Variants in CSMD1 observed in about 807,000 individuals in gnomAD.
The protein encoded by CSMD1 is CUB and sushi domain-containing protein 1.
Under a neutral mutation model 417.5 loss-of-function variants are expected in CSMD1, and 213 were observed. That is an observed-to-expected ratio of 0.51 (90% CI 0.46 to 0.57). The LOEUF is 0.57. Ranked by LOEUF, CSMD1 falls within the 20% of genes least tolerant of loss-of-function variation. CSMD1 has a pLI of 0.00. For synonymous variants in CSMD1, 2,862 were observed against 1,736.8 expected (o/e 1.65, Z -16.11); for missense variants, 6,923 against 4,529.7 (o/e 1.53, Z -15.17).
chr8:3,298,085 C>T (rs898790331), intron 25 of CSMD1, among the ~76,000 whole-genome samples: 5 of 152,146 alleles, frequency 3.3e-5, no homozygotes, highest in African/African-American at 4.8e-5. Context: ...CAATCAATCC[C>T]ATTGTTGGTT....
At chr8:4,298,497 T>C (rs1027102364) in intron 3 of CSMD1, among the ~76,000 whole-genome samples, 1 of 152,122 alleles carries the variant, frequency 6.6e-6, no homozygotes, top group African/African-American at 2.4e-5. Context: ...GAGTAATGGA[T>C]ACCTTAAAAG....
chr8:4,425,988 A>G (rs1369709955), intron 2 of CSMD1, among the ~76,000 whole-genome samples: 4 of 152,092 alleles, frequency 2.6e-5, no homozygotes, highest in African/African-American at 7.2e-5. Context: ...CCAAAATTAA[A>G]GAGGTATACA....
intron 49 of CSMD1, among the ~76,000 whole-genome samples, chr8:3,086,107 C>T (rs538503818): frequency 2.0e-5 from 3 of 152,110 alleles, no homozygotes; most frequent in African/African-American, 7.2e-5. Context: ...ACAGATTCTA[C>T]GACTCTGTTC....
intron 3 of CSMD1, among the ~76,000 whole-genome samples, chr8:4,202,781 T>A (rs1003426017): frequency 6.6e-6 from 1 of 152,074 alleles, no homozygotes; most frequent in Non-Finnish European, 1.5e-5. Flanking sequence ...GAACAGAGAA[T>A]AAAACTGAGG....
chr8:3,086,341 C>T (rs1402518161), intron 49 of CSMD1, among the ~76,000 whole-genome samples: 1 of 152,034 alleles, frequency 6.6e-6, no homozygotes, highest in East Asian at 1.9e-4. Flanking sequence ...GCTGTCTGAT[C>T]AACTTCTTAC....
At chr8:3,730,568 G>C (rs530811307) in intron 6 of CSMD1, among the ~76,000 whole-genome samples, 80 of 152,138 alleles carry the variant, frequency 5.3e-4, no homozygotes, top group Non-Finnish European at 3.1e-4. Flanking sequence ...CCAATGAACA[G>C]CTTTGCACAC....
intron 2 of CSMD1, among the ~76,000 whole-genome samples, chr8:4,435,806 G>A (rs1443708333): frequency 6.6e-6 from 1 of 152,198 alleles, no homozygotes; most frequent in East Asian, 1.9e-4. Flanking sequence ...GACAGACCGT[G>A]TCCCGAACAC....
chr8:4,287,834 T>C (rs115395693), intron 3 of CSMD1, among the ~76,000 whole-genome samples: 3,344 of 152,180 alleles, frequency 0.022, 138 homozygotes, highest in African/African-American at 0.076. Context: ...ATGCATTTAG[T>C]GGGAGAAGTG....
At chr8:4,040,253 A>G (rs536510547) in intron 3 of CSMD1, among the ~76,000 whole-genome samples, 7 of 152,248 alleles carry the variant, frequency 4.6e-5, no homozygotes, top group African/African-American at 1.2e-4. Flanking sequence ...CTGCCTTATC[A>G]TAATAACCGG....
intron 3 of CSMD1, among the ~76,000 whole-genome samples, chr8:4,214,620 G>A (rs1355388856): frequency 1.3e-5 from 2 of 152,086 alleles, no homozygotes; most frequent in Non-Finnish European, 2.9e-5. Flanking sequence ...ATTTTGAACA[G>A]AAACACTGAG....
chr8:3,291,191 G>C (rs892269850), intron 25 of CSMD1, among the ~76,000 whole-genome samples: 2 of 152,140 alleles, frequency 1.3e-5, no homozygotes, highest in Admixed American at 1.3e-4. Context: ...GATCATTGTG[G>C]ATAAACTTTT....
chr8:4,062,065 G>A (rs1799001210), intron 3 of CSMD1, among the ~76,000 whole-genome samples: 1 of 152,112 alleles, frequency 6.6e-6, no homozygotes, highest in Non-Finnish European at 1.5e-5. Flanking sequence ...CTGCCGTGGT[G>A]GAGCCAGGTG....
chr8:4,208,214 T>G (rs1247449656), intron 3 of CSMD1, among the ~76,000 whole-genome samples: 1 of 152,188 alleles, frequency 6.6e-6, no homozygotes, highest in Non-Finnish European at 1.5e-5. Flanking sequence ...CAGATATTTC[T>G]TCTTGCTTTG....
chr8:4,213,959 A>G (rs1236458188), intron 3 of CSMD1, among the ~76,000 whole-genome samples: 2 of 152,242 alleles, frequency 1.3e-5, no homozygotes, highest in Non-Finnish European at 2.9e-5. Context: ...ACCACAGTGC[A>G]TTTAACACAT....
intron 3 of CSMD1, among the ~76,000 whole-genome samples, chr8:4,100,209 G>A (rs959689295): frequency 2.0e-5 from 3 of 152,154 alleles, no homozygotes; most frequent in Non-Finnish European, 1.5e-5. Context: ...AGGATTAAAT[G>A]AGATTATATA....
chr8:3,980,243 C>T (rs1287141355), intron 5 of CSMD1, among the ~76,000 whole-genome samples: 1 of 152,156 alleles, frequency 6.6e-6, no homozygotes, highest in Non-Finnish European at 1.5e-5. Flanking sequence ...TAGATGGGAA[C>T]TTAACTATTA....
intron 11 of CSMD1, among the ~76,000 whole-genome samples, chr8:3,490,873 A>C (rs201968683): frequency 6.8e-6 from 1 of 146,682 alleles, no homozygotes; most frequent in East Asian, 2.1e-4. Flanking sequence ...AAAAAGAAAA[A>C]AATTTTTTTT....
chr8:3,313,411 A>G (rs1805506541), intron 23 of CSMD1, among the ~76,000 whole-genome samples: 1 of 152,224 alleles, frequency 6.6e-6, no homozygotes, highest in South Asian at 2.1e-4. Flanking sequence ...ATGAACTCAA[A>G]TTTACAAGAA....
At chr8:3,829,382 G>A (rs918567456) in intron 5 of CSMD1, among the ~76,000 whole-genome samples, 3 of 152,148 alleles carry the variant, frequency 2.0e-5, no homozygotes, top group African/African-American at 4.8e-5. Flanking sequence ...CCCCTTCAGA[G>A]AAGTTTCAGG....
Sources: allele counts gnomAD v4.1 joint callset (sites outside exome capture counted in the v4.1 genomes callset), GRCh38; gene constraint gnomAD v4.1.1; transcripts MANE v1.5; gene names NCBI Gene and HGNC (gene_info 2026-07-23, HGNC 2026-07-21).